The following RXRA variants were observed in gnomAD, a reference collection of about 807,000 sequenced individuals.
RXRA encodes the protein retinoid X receptor alpha, also known as retinoic acid receptor RXR-alpha.
In RXRA, 5 loss-of-function variants were observed where a neutral mutation model predicts 44.5. The ratio of observed to expected loss-of-function variants is 0.11; its 90% CI spans 0.06 to 0.24. The LOEUF is 0.24. RXRA is among the 10% of genes least tolerant of loss of function. The pLI is 1.00. For synonymous variants in RXRA, 291 were observed against 271.4 expected (o/e 1.07, Z -0.71); for missense variants, 412 against 646.5 (o/e 0.64, Z 3.93).
chr9:134,439,804 A>T lies in RXRA; in HGVS notation c.*3190A>T, dbSNP rs945939848. ...GCCACCCAGGAAAGGCGGAGCGGTT[A>T]CCAGTGTTTTGTGTTTATTTTTAAT... is the stretch of plus-strand genomic sequence containing the variant. On this transcript the variant is annotated 3_prime_UTR_variant, in exon 10 of 10. Coordinates refer to ENST00000481739, the MANE Select transcript of RXRA (RefSeq NM_002957.6). The T allele has an allele frequency of 1.3e-5, 2 of 152,268 alleles. No individual in the cohort carries two copies. The highest frequency in any genetic ancestry group is 2.9e-5 in the Non-Finnish European group (2 of 68,056). 9.4% of individuals were successfully genotyped at this position (152,268 alleles called of 1,614,324 possible). A position where few individuals can be genotyped will look rare whatever the true frequency, so the allele number is the denominator to read the frequency against.
At chr9:134,381,691 C>T (rs1830648415) in intron 1 of RXRA, among the ~76,000 whole-genome samples, 1 of 152,090 alleles carries the variant, frequency 6.6e-6, no homozygotes, top group South Asian at 2.1e-4. Flanking sequence ...AATGACAGAG[C>T]CCCTCAGGTG....
intron 1 of RXRA, among the ~76,000 whole-genome samples, chr9:134,339,559 A>G (rs1554747809): frequency 7.2e-6 from 1 of 138,670 alleles, no homozygotes; most frequent in Non-Finnish European, 1.5e-5. Context: ...GAGTCTCTGC[A>G]TACCCATGGC....
In RXRA at chr9:134,365,444, G is replaced by A. The variant is rs138326794; in HGVS notation, c.29-36188G>A. Among the ~76,000 whole-genome samples the A allele has an allele frequency of 0.013, 2,006 of 152,278 alleles. 14 individuals are homozygous for A. Among genetic ancestry groups the A allele is most frequent in the Non-Finnish European group, 0.019 (1,323 of 68,012 alleles). On this transcript the variant is annotated intron_variant, in intron 1 of 9. Transcript: ENST00000481739. This position sits in a 1 kb window ranked among gnomAD's most constrained non-coding sequence, Gnocchi z 4.0. Reference sequence around the variant, plus strand: ...CGTGGTGTGTCCTGGTGTGAGACCCGGTGTTCTTGGCTGATGTGTGGGTTT... The same window carrying A: ...CGTGGTGTGTCCTGGTGTGAGACCCAGTGTTCTTGGCTGATGTGTGGGTTT...
intron 1 of RXRA, among the ~76,000 whole-genome samples, chr9:134,330,316 G>A (rs986462787): frequency 3.3e-5 from 5 of 152,254 alleles, no homozygotes; most frequent in Non-Finnish European, 5.9e-5. Flanking sequence ...TTGGTGGCCA[G>A]GGCCTTGGGT....
intron 2 of RXRA, chr9:134,405,471 CACTG>C (rs1169012199): frequency 6.6e-6 from 1 of 152,346 alleles, no homozygotes; most frequent in African/African-American, 2.4e-5. Flanking sequence ...TTGGCCCTGA[CACTG>C]AGAGGGAGGG....
rs1834915750 is a variant in RXRA at position 134,326,678 on chromosome 9, G to A, written c.28+19G>A. On this transcript the variant is annotated intron_variant, in intron 1 of 9. Transcript: ENST00000481739. ...CCGCTCGGTGAGTGCTCGCCGGGCC[G>A]GGCGGGGACGGGGCCGGGGGCCGGG... The A allele has an allele frequency of 2.2e-6, 2 of 889,640 alleles. No homozygotes were observed. The highest frequency in any genetic ancestry group is 5.0e-5 in the South Asian group (1 of 20,166). 55.1% of individuals were successfully genotyped at this position (889,640 alleles called of 1,614,324 possible).
rs1830612326 is a variant in RXRA, at chr9:134,379,675, A to T, written c.29-21957A>T. 3.0e-6 allele frequency: 3 copies of T among 985,174 alleles called. No homozygotes were observed. In the African/African-American group the frequency reaches 5.2e-5, roughly 17 times the overall value. The allele number at this position is 985,174 out of a possible 1,614,324, so 61.0% of individuals were successfully genotyped here. A position where few individuals can be genotyped will look rare whatever the true frequency, so the allele number is the denominator to read the frequency against. ...CCACCCTGCGGTCCTGGGAGGTAGCAGGACAGCCCCAGTATGCGGATGAGA... is the reference window on the plus strand; with the variant it reads ...CCACCCTGCGGTCCTGGGAGGTAGCTGGACAGCCCCAGTATGCGGATGAGA... On this transcript the variant is annotated intron_variant, in intron 1 of 9. Transcript: ENST00000481739.
At chr9:134,383,107 C>T (rs1289036791) in intron 1 of RXRA, among the ~76,000 whole-genome samples, 2 of 152,144 alleles carry the variant, frequency 1.3e-5, no homozygotes, top group African/African-American at 4.8e-5. Flanking sequence ...AGGGTGGGCC[C>T]ATCTAAGCCA....
In RXRA at chr9:134,340,654, C is replaced by T. The variant is rs527848580; in HGVS notation, c.28+13995C>T. On this transcript the variant is annotated intron_variant, in intron 1 of 9. Transcript: ENST00000481739. ...ATGAGCCTCGATGCACGCCTCGGCC[C>T]GCAGCTGCCTTCTTGAGCAATGCCA... is the stretch of plus-strand genomic sequence containing the variant. Among the ~76,000 whole-genome samples, 9 of 152,306 alleles carry T rather than the reference C, an allele frequency of 5.9e-5. No individual in the cohort carries two copies. In the East Asian group the frequency reaches 1.4e-3, roughly 23 times the overall value.
At chr9:134,378,537 C>G (rs1830593357) in intron 1 of RXRA, among the ~76,000 whole-genome samples, 1 of 152,160 alleles carries the variant, frequency 6.6e-6, no homozygotes, top group Admixed American at 6.5e-5. Flanking sequence ...GTCCTGGGTG[C>G]CGAGGGAATA....
chr9:134,415,076 C>T (rs936982026), intron 4 of RXRA, among the ~76,000 whole-genome samples: 2 of 152,214 alleles, frequency 1.3e-5, no homozygotes, highest in Non-Finnish European at 2.9e-5. Context: ...CTGTGCATGC[C>T]GACTGCGGGG....
intron 1 of RXRA, among the ~76,000 whole-genome samples, chr9:134,363,427 T>C (rs1229247927): frequency 1.2e-4 from 18 of 152,196 alleles, no homozygotes; most frequent in Admixed American, 1.2e-3. Context: ...ACCTCTCTGG[T>C]TTCTCATCTA....
At chr9:134,423,464 G>A (rs1006875635) in intron 6 of RXRA, 1 of 985,368 alleles carries the variant, frequency 1.0e-6, no homozygotes, top group East Asian at 1.1e-4. Flanking sequence ...GTGAAGCAGG[G>A]AATGTTCTGG....
At chr9:134,361,178 A>G (rs944715623) in intron 1 of RXRA, among the ~76,000 whole-genome samples, 5 of 152,146 alleles carry the variant, frequency 3.3e-5, no homozygotes, top group African/African-American at 7.2e-5. Flanking sequence ...TAATTCCCTC[A>G]GCTAACTGAT....
rs1238420621 is a variant in RXRA, at chr9:134,424,352, C to T, written c.910+2547C>T. On this transcript the variant is annotated intron_variant, in intron 6 of 9. Transcript: ENST00000481739. ...TCTGCTCCTGCCCAGCGGCTCTTTC[C>T]GGGAGATCTCTGCGGCTGCATGTCT... 4.5e-5 allele frequency: 44 copies of T among 985,386 alleles called. No individual in the cohort carries two copies. The East Asian group carries it at 1.4e-3, about 31-fold the overall frequency. The allele number at this position is 985,386 out of a possible 1,614,324, so 61.0% of individuals were successfully genotyped here. A position where few individuals can be genotyped will look rare whatever the true frequency, so the allele number is the denominator to read the frequency against.
chr9:134,408,697 G>A (rs1044670159), intron 3 of RXRA, among the ~76,000 whole-genome samples: 1 of 152,266 alleles, frequency 6.6e-6, no homozygotes, highest in African/African-American at 2.4e-5. Context: ...CAGAGCAGGT[G>A]ACTTGCCTGG....
intron 1 of RXRA, among the ~76,000 whole-genome samples, chr9:134,337,513 T>TA (rs1830025629): frequency 6.6e-6 from 1 of 152,200 alleles, no homozygotes; most frequent in Non-Finnish European, 1.5e-5. Flanking sequence ...TTAGTTCTCT[T>TA]ACCTGTAAGG....
In RXRA at chr9:134,436,614, G is replaced by A; in HGVS notation, c.1389G>A (p.Ter463=). 6.2e-7 allele frequency: 1 copy of A among 1,613,882 alleles called. No homozygotes were observed. The highest frequency in any genetic ancestry group is 8.5e-7 in the Non-Finnish European group (1 of 1,180,008). Residue 463 remains the stop codon, a stop_retained_variant, in exon 10 of 10, where the codon TAG becomes TAA. Coordinates refer to ENST00000481739, the MANE Select transcript of RXRA (RefSeq NM_002957.6). Reference sequence around the variant, plus strand: ...TGGAGGCGCCGCACCAAATGACTTAGGCCTGCGGGCCCATCCTTTGTGCCC... The same window carrying A: ...TGGAGGCGCCGCACCAAATGACTTAAGCCTGCGGGCCCATCCTTTGTGCCC... ...EMLEAPHQMT[*]
At chr9:134,402,121 T>A in intron 2 of RXRA, 1 of 545,300 alleles carries the variant, frequency 1.8e-6, no homozygotes, top group Non-Finnish European at 3.2e-6. Flanking sequence ...CAGCTGGTTA[T>A]CTGCCCACGT....
Sources: gnomAD v4.1 joint callset for allele counts (sites outside exome capture counted in the v4.1 genomes callset) on GRCh38, gnomAD v4.1.1 for gene constraint, Gnocchi (gnomAD v3.1) non-coding constraint, MANE v1.5 for transcripts, NCBI Gene and HGNC (gene_info 2026-07-23, HGNC 2026-07-21) for gene names.